The following SEMA3A variants were observed in gnomAD, a reference collection of about 807,000 sequenced individuals.
SEMA3A encodes semaphorin-3A.
In SEMA3A, 29 loss-of-function variants were observed where a neutral mutation model predicts 97.9. The observed-to-expected ratio is 0.30, with a 90% CI of 0.22 to 0.40. The LOEUF (loss-of-function observed/expected upper bound fraction) is 0.40, where lower values mean the gene tolerates loss of function less well. Among genes scored for constraint, SEMA3A ranks in the 10% least tolerant of loss-of-function variants. SEMA3A has a pLI of 1.00. For missense variants in SEMA3A, 763 were observed against 951.3 expected, an observed-to-expected ratio of 0.80 and a Z score of 2.60; for synonymous variants, 321 against 323.7, an observed-to-expected ratio of 0.99 and a Z score of 0.09.
chr7:84,439,937 A>C (rs1178685975), intron 1 of SEMA3A, among the ~76,000 whole-genome samples: 1 of 152,236 alleles, frequency 6.6e-6, no homozygotes, highest in Non-Finnish European at 1.5e-5. Context: ...AGATGGATTT[A>C]ATTCATATAT....
intron 1 of SEMA3A, among the ~76,000 whole-genome samples, chr7:84,163,677 C>A (rs1046060550): frequency 3.3e-5 from 5 of 151,714 alleles, no homozygotes; most frequent in African/African-American, 9.7e-5. Flanking sequence ...TTTTCTATAT[C>A]CCTACATTTT....
At chr7:84,150,881 A>C (rs567335565) in intron 1 of SEMA3A, among the ~76,000 whole-genome samples, 1,577 of 151,176 alleles carry the variant, frequency 0.01, 23 homozygotes, top group African/African-American at 0.032. Context: ...CCCAGCACGC[A>C]GCTGGAGATC....
At chr7:84,153,245 G>T (rs1796734513) in intron 1 of SEMA3A, among the ~76,000 whole-genome samples, 1 of 152,080 alleles carries the variant, frequency 6.6e-6, no homozygotes, top group Non-Finnish European at 1.5e-5. Context: ...TGTTGCAAAA[G>T]TACCAATTAT....
chr7:84,431,796 G>T (rs1804988123), intron 1 of SEMA3A, among the ~76,000 whole-genome samples: 1 of 151,938 alleles, frequency 6.6e-6, no homozygotes, highest in Admixed American at 6.6e-5. Flanking sequence ...AAGATTCAAA[G>T]ACTTAAGGGT....
intron 1 of SEMA3A, among the ~76,000 whole-genome samples, chr7:84,150,524 T>C (rs866199642): frequency 2.9e-4 from 44 of 152,234 alleles, no homozygotes; most frequent in Middle Eastern, 6.8e-3. Context: ...AATACTGTGC[T>C]TTTCCGACGG....
chr7:84,476,111 C>T (rs1026634383), intron 1 of SEMA3A, among the ~76,000 whole-genome samples: 3 of 152,026 alleles, frequency 2.0e-5, no homozygotes, highest in African/African-American at 7.2e-5. Flanking sequence ...AGTCCCAGCA[C>T]TTTGGGAGGC....
intron 1 of SEMA3A, among the ~76,000 whole-genome samples, chr7:84,419,507 T>A (rs1278953353): frequency 6.8e-6 from 1 of 146,538 alleles, no homozygotes; most frequent in Non-Finnish European, 1.5e-5. Context: ...AAGGCAAACA[T>A]AATCTCACAG....
rs11977516 is a variant in SEMA3A at position 84,440,948 on chromosome 7, C to T, written c.-246+51512G>A. Among the ~76,000 whole-genome samples the T allele has an allele frequency of 3.0e-3, 451 of 152,146 alleles. 1 individual carries two copies. Among genetic ancestry groups the T allele is most frequent in the African/African-American group, 0.01 (430 of 41,514 alleles). On this transcript the variant is annotated intron_variant, in intron 1 of 3. Transcript: ENST00000424555. ...CCGAGGTGGGCAGATCACCTGAGGT[C>T]GGGAGTTCGAGACCAGCCTGACCAA...
intron 1 of SEMA3A, among the ~76,000 whole-genome samples, chr7:84,413,452 A>G (rs971905105): frequency 6.6e-6 from 1 of 152,040 alleles, no homozygotes; most frequent in African/African-American, 2.4e-5. Flanking sequence ...ACATGGCAAA[A>G]CCCTGTCTCT....
chr7:84,185,007 T>C (rs1562838659), intron 1 of SEMA3A, among the ~76,000 whole-genome samples: 1 of 152,158 alleles, frequency 6.6e-6, no homozygotes, highest in African/African-American at 2.4e-5. Context: ...GGAGAGACTG[T>C]CTCTCAAGAC....
At chr7:84,439,869 A>G (rs1805231168) in intron 1 of SEMA3A, among the ~76,000 whole-genome samples, 1 of 152,196 alleles carries the variant, frequency 6.6e-6, no homozygotes, top group Non-Finnish European at 1.5e-5. Context: ...TTTTTAAATG[A>G]TGAAAATTTA....
chr7:84,172,367 T>C (rs1327925278), intron 1 of SEMA3A, among the ~76,000 whole-genome samples: 7 of 152,186 alleles, frequency 4.6e-5, no homozygotes, highest in African/African-American at 1.7e-4. Context: ...GAATTTCATA[T>C]AATTTTCATG....
chr7:84,243,998 G>A (rs1451285515), intron 3 of SEMA3A, among the ~76,000 whole-genome samples: 8 of 152,128 alleles, frequency 5.3e-5, no homozygotes, highest in Non-Finnish European at 1.2e-4. Context: ...ATTTGCTGAG[G>A]AGTGTTTTAC....
At chr7:84,461,811 T>G (rs941811086) in intron 1 of SEMA3A, among the ~76,000 whole-genome samples, 13 of 152,290 alleles carry the variant, frequency 8.5e-5, no homozygotes, top group African/African-American at 3.1e-4. Flanking sequence ...ACAACAAATT[T>G]AAGATTTATT....
At chr7:84,357,451 C>T (rs1802593019) in intron 2 of SEMA3A, among the ~76,000 whole-genome samples, 1 of 152,196 alleles carries the variant, frequency 6.6e-6, no homozygotes, top group African/African-American at 2.4e-5. Flanking sequence ...CATGTCCCTA[C>T]AAAGGACATG....
chr7:84,381,965 T>A (rs917669505), intron 1 of SEMA3A, among the ~76,000 whole-genome samples: 1 of 152,084 alleles, frequency 6.6e-6, no homozygotes, highest in African/African-American at 2.4e-5. Context: ...AAGAATTGGG[T>A]AGTTGAGGGT....
intron 3 of SEMA3A, among the ~76,000 whole-genome samples, chr7:84,275,790 A>G (rs1423942320): frequency 1.3e-5 from 2 of 152,092 alleles, no homozygotes; most frequent in African/African-American, 4.8e-5. Flanking sequence ...AATTTCAAAG[A>G]CTTAGGGCAA....
chr7:84,481,930 T>A (rs1806457547), intron 1 of SEMA3A, among the ~76,000 whole-genome samples: 1 of 151,770 alleles, frequency 6.6e-6, no homozygotes, highest in Non-Finnish European at 1.5e-5. Flanking sequence ...CATGATTGAC[T>A]GTAAGTCACT....
chr7:84,078,245 CCCA>C (rs1376487612), intron 4 of SEMA3A, among the ~76,000 whole-genome samples: 5 of 151,890 alleles, frequency 3.3e-5, no homozygotes, highest in African/African-American at 1.2e-4. Context: ...GTGAATCTAG[CCCA>C]GAGACATGCT....
Sources: gnomAD v4.1 joint callset for allele counts (sites outside exome capture counted in the v4.1 genomes callset) on GRCh38, gnomAD v4.1.1 for gene constraint, MANE v1.5 for transcripts, NCBI Gene and HGNC (gene_info 2026-07-23, HGNC 2026-07-21) for gene names.